The following NSMCE2 variants were observed in gnomAD, a reference collection of about 807,000 sequenced individuals.
NSMCE2 encodes E3 SUMO-protein ligase NSE2.
NSMCE2 carries 24 observed loss-of-function variants against 23.8 expected under a neutral mutation model. That is an observed-to-expected ratio of 1.01 (90% CI 0.73 to 1.42). The LOEUF (loss-of-function observed/expected upper bound fraction) is 1.42, where lower values mean the gene tolerates loss of function less well. NSMCE2 is among the 40% of genes most tolerant of loss of function. The pLI, the probability that NSMCE2 is intolerant of heterozygous loss-of-function variation, is 0.00. For synonymous variants in NSMCE2, 92 were observed against 94.1 expected, an observed-to-expected ratio of 0.98 and a Z score of 0.13; for missense variants, 284 against 296.5, an observed-to-expected ratio of 0.96 and a Z score of 0.31.
At chr8:125,212,578 G>A (rs561596202) in intron 5 of NSMCE2, among the ~76,000 whole-genome samples, 7 of 152,300 alleles carry the variant, frequency 4.6e-5, no homozygotes, top group Admixed American at 2.0e-4. Flanking sequence ...GTACCAAACC[G>A]TTGGAAGTCA....
intron 5 of NSMCE2, among the ~76,000 whole-genome samples, chr8:125,250,283 GT>G (rs1450699175): frequency 6.6e-6 from 1 of 151,838 alleles, no homozygotes; most frequent in Non-Finnish European, 1.5e-5. Context: ...TATTTTATAT[GT>G]ATTATTTTTG....
chr8:125,145,907 A>G (rs1820647856), intron 3 of NSMCE2, among the ~76,000 whole-genome samples: 1 of 152,194 alleles, frequency 6.6e-6, no homozygotes, highest in Non-Finnish European at 1.5e-5. Flanking sequence ...TTCTCCTAGC[A>G]TTCTCTGAGT....
chr8:125,130,686 T>C (rs1819731646), intron 3 of NSMCE2, among the ~76,000 whole-genome samples: 2 of 152,236 alleles, frequency 1.3e-5, no homozygotes. Context: ...TGTAGGCTAA[T>C]GTATGTGTAC....
rs202151532 is a variant in NSMCE2 at position 125,286,938 on chromosome 8, C to G, written c.419-70281C>G. Among the ~76,000 whole-genome samples, 28 of 152,274 alleles carry G rather than the reference C, an allele frequency of 1.8e-4. No homozygotes were observed. The East Asian group carries it at 3.3e-3, about 18-fold the overall frequency. The stretch of plus-strand genomic sequence containing the variant: ...TGTTTGATTGTTTATCTCTGAACTT[C>G]AGTAGACGCCAATTGGGAGGTGAAC... On this transcript the variant is annotated intron_variant, in intron 5 of 7. Transcript: ENST00000287437.
At chr8:125,272,516 C>G (rs887536255) in intron 5 of NSMCE2, among the ~76,000 whole-genome samples, 26 of 151,064 alleles carry the variant, frequency 1.7e-4, no homozygotes, top group Non-Finnish European at 3.7e-4. Flanking sequence ...GTCACTAGTT[C>G]TAAACTAAAA....
intron 5 of NSMCE2, among the ~76,000 whole-genome samples, chr8:125,222,036 A>G (rs866662368): frequency 6.6e-6 from 1 of 152,084 alleles, no homozygotes; most frequent in Non-Finnish European, 1.5e-5. Flanking sequence ...CTTTCTTTTT[A>G]TTTATATGTA....
chr8:125,171,141 G>A (rs950041498), intron 4 of NSMCE2, among the ~76,000 whole-genome samples: 3 of 152,044 alleles, frequency 2.0e-5, no homozygotes, highest in East Asian at 1.9e-4. Context: ...TGCCTTGACC[G>A]TCCATCACAG....
At chr8:125,118,360 G>A (rs1170753988) in intron 3 of NSMCE2, among the ~76,000 whole-genome samples, 1 of 151,912 alleles carries the variant, frequency 6.6e-6, no homozygotes, top group Non-Finnish European at 1.5e-5. Context: ...CAGCCTGGGT[G>A]ACAGAGTGAG....
intron 5 of NSMCE2, among the ~76,000 whole-genome samples, chr8:125,272,919 A>T (rs371248841): frequency 3.9e-5 from 5 of 129,356 alleles, no homozygotes; most frequent in African/African-American, 1.2e-4. Flanking sequence ...TACGGTGGAA[A>T]GAGAACTGAC....
intron 5 of NSMCE2, among the ~76,000 whole-genome samples, chr8:125,221,357 C>T (rs1236945452): frequency 1.3e-5 from 2 of 152,212 alleles, no homozygotes; most frequent in African/African-American, 4.8e-5. Context: ...GTGATCCTCC[C>T]ACCTCAGACC....
intron 4 of NSMCE2, chr8:125,156,128 T>A (rs1445860087): frequency 9.8e-6 from 3 of 305,532 alleles, no homozygotes; most frequent in African/African-American, 2.3e-5. Context: ...AAAAAAAAAA[T>A]GTTTTTGGTG....
intron 5 of NSMCE2, among the ~76,000 whole-genome samples, chr8:125,206,504 T>G (rs1219701061): frequency 6.6e-6 from 1 of 152,170 alleles, no homozygotes; most frequent in Non-Finnish European, 1.5e-5. Flanking sequence ...CATGGGCTAA[T>G]TGGAAAGGAG....
At chr8:125,272,468 A>G (rs1198588634) in intron 5 of NSMCE2, among the ~76,000 whole-genome samples, 1 of 150,784 alleles carries the variant, frequency 6.6e-6, no homozygotes, top group South Asian at 2.1e-4. Flanking sequence ...AGGTGACCAA[A>G]TGACTAACCC....
At chr8:125,232,907 G>A (rs1825388551) in intron 5 of NSMCE2, among the ~76,000 whole-genome samples, 1 of 152,230 alleles carries the variant, frequency 6.6e-6, no homozygotes, top group African/African-American at 2.4e-5. Context: ...ACAGGAACTA[G>A]CAGGTAAACA....
intron 1 of NSMCE2, among the ~76,000 whole-genome samples, chr8:125,093,653 G>T (rs1229062487): frequency 2.0e-5 from 3 of 152,130 alleles, no homozygotes; most frequent in Non-Finnish European, 1.5e-5. Context: ...AACCCAGGAA[G>T]CAGAGGTTGA....
intron 5 of NSMCE2, among the ~76,000 whole-genome samples, chr8:125,322,127 G>T (rs1194800080): frequency 3.3e-5 from 5 of 152,056 alleles, no homozygotes; most frequent in Non-Finnish European, 5.9e-5. Flanking sequence ...ACCACTTTGG[G>T]AAGCTAAAGT....
At chr8:125,119,804 A>T (rs1349494670) in intron 3 of NSMCE2, among the ~76,000 whole-genome samples, 1 of 152,182 alleles carries the variant, frequency 6.6e-6, no homozygotes, top group African/African-American at 2.4e-5. Flanking sequence ...TCTAGAGAAG[A>T]TTATTTTATT....
At chr8:125,094,213 T>A (rs868087792) in intron 1 of NSMCE2, among the ~76,000 whole-genome samples, 20 of 152,214 alleles carry the variant, frequency 1.3e-4, no homozygotes, top group Admixed American at 2.6e-4. Flanking sequence ...ATTTATTGAC[T>A]ATTTTCAGAG....
intron 3 of NSMCE2, among the ~76,000 whole-genome samples, chr8:125,139,074 T>A (rs1281236738): frequency 6.6e-6 from 1 of 152,250 alleles, no homozygotes; most frequent in Non-Finnish European, 1.5e-5. Flanking sequence ...GAATCAGCTC[T>A]GTCTTTGGAA....
Sources: gnomAD v4.1 joint callset for allele counts (sites outside exome capture counted in the v4.1 genomes callset) on GRCh38, gnomAD v4.1.1 for gene constraint, MANE v1.5 for transcripts, NCBI Gene and HGNC (gene_info 2026-07-23, HGNC 2026-07-21) for gene names.